TEK: variants seen among roughly 807,000 people sequenced by gnomAD.
TEK encodes angiopoietin-1 receptor.
In TEK, 43 loss-of-function variants were observed where a neutral mutation model predicts 131.8. The observed-to-expected ratio is 0.33, with a 90% CI of 0.26 to 0.42. The LOEUF is 0.42. TEK is among the 10% of genes least tolerant of loss of function. The pLI, the probability that TEK is intolerant of heterozygous loss-of-function variation, is 1.00. For missense variants in TEK, 1,162 were observed against 1,384.4 expected, an observed-to-expected ratio of 0.84 and a Z score of 2.55; for synonymous variants, 580 against 491.6, an observed-to-expected ratio of 1.18 and a Z score of -2.38.
intron 1 of TEK, among the ~76,000 whole-genome samples, chr9:27,140,219 C>T (rs1226694848): frequency 6.0e-5 from 9 of 150,082 alleles, no homozygotes; most frequent in Admixed American, 5.9e-4. Flanking sequence ...ATTTCACTTG[C>T]CCTTTCACTT....
intron 21 of TEK, among the ~76,000 whole-genome samples, chr9:27,223,014 G>A (rs632231): frequency 0.86 from 130,503 of 152,182 alleles, 56,297 homozygotes; most frequent in East Asian, 1. Context: ...AAAGATCAAA[G>A]GAGACAAAGA....
At chr9:27,165,869 C>G (rs766525936) in intron 2 of TEK, among the ~76,000 whole-genome samples, 1 of 152,226 alleles carries the variant, frequency 6.6e-6, no homozygotes, top group Admixed American at 6.5e-5. Context: ...GTGCAAGGCA[C>G]CCATGCTAGG....
At chr9:27,144,833 C>G (rs972950048) in intron 1 of TEK, among the ~76,000 whole-genome samples, 1 of 152,118 alleles carries the variant, frequency 6.6e-6, no homozygotes, top group Non-Finnish European at 1.5e-5. Flanking sequence ...TGCTTCAGAA[C>G]CTAGAGCTCC....
Position 27,180,348 on chromosome 9 carries a change from G to C in TEK, c.1010G>C (p.Gly337Ala), listed in dbSNP as rs1485231950. The change falls in exon 7 of 23, where the codon GGG becomes GCG. Residue 337 changes from glycine (G) to alanine (A), a missense_variant. By Grantham distance (60) the Gly-to-Ala change is moderately conservative. Transcript: ENST00000380036. ...QGCLCSPGWQ[G>A]LQCEREGIQR... ...TGTCTCTGCTCTCCAGGATGGCAGG[G>C]GCTCCAGTGTGAGAGAGAAGGTAAA... is the stretch of plus-strand genomic sequence containing the variant. 1 of 1,613,552 alleles carries C rather than the reference G, an allele frequency of 6.2e-7. No homozygotes were observed. The highest frequency in any genetic ancestry group is 1.7e-5 in the Admixed American group (1 of 59,916).
intron 1 of TEK, among the ~76,000 whole-genome samples, chr9:27,117,664 A>T (rs1821622983): frequency 6.6e-6 from 1 of 152,174 alleles, no homozygotes; most frequent in African/African-American, 2.4e-5. Context: ...TTCATGTCTA[A>T]TGTGGTATGA....
chr9:27,211,993 T>TAAA (rs771506750), intron 16 of TEK, among the ~76,000 whole-genome samples: 97 of 144,082 alleles, frequency 6.7e-4, no homozygotes, highest in East Asian at 1.8e-3. Context: ...AACGTTTTAT[T>TAAA]AAAAAAAAAA....
chr9:27,132,386 A>C (rs1822260558), intron 1 of TEK, among the ~76,000 whole-genome samples: 1 of 152,186 alleles, frequency 6.6e-6, no homozygotes, highest in Admixed American at 6.5e-5. Context: ...ACCAATTAAC[A>C]GGATAAAAAT....
chr9:27,116,676 A>ATAT (rs1419170433), intron 1 of TEK, among the ~76,000 whole-genome samples: 1 of 152,182 alleles, frequency 6.6e-6, no homozygotes, highest in Non-Finnish European at 1.5e-5. Context: ...AATCTTTGGT[A>ATAT]TATGGTAAGT....
chr9:27,143,406 G>A (rs1011518620), intron 1 of TEK, among the ~76,000 whole-genome samples: 22 of 152,186 alleles, frequency 1.4e-4, no homozygotes, highest in African/African-American at 5.3e-4. Flanking sequence ...GTTGAGTGGA[G>A]AAGGGAGGAG....
At chr9:27,167,721 C>T (rs1204850161) in intron 2 of TEK, among the ~76,000 whole-genome samples, 1 of 152,160 alleles carries the variant, frequency 6.6e-6, no homozygotes, top group Admixed American at 6.5e-5. Flanking sequence ...GCATTTTGCT[C>T]ATTTTATTTG....
rs1186841767 is a variant in TEK at position 27,229,404 on chromosome 9, C to G, written c.*172C>G. 9.9e-6 allele frequency: 7 copies of G among 703,568 alleles called. No individual in the cohort carries two copies. The highest frequency in any genetic ancestry group is 4.5e-5 in the South Asian group (3 of 66,834). 43.6% of individuals were successfully genotyped at this position (703,568 alleles called of 1,614,324 possible). ...CATGCATGGATCTATGTAGTATGCT[C>G]TGACTCTAATAGGACTGTATATACT... On this transcript the variant is annotated 3_prime_UTR_variant, in exon 23 of 23. Coordinates refer to ENST00000380036, the MANE Select transcript of TEK (RefSeq NM_000459.5).
intron 6 of TEK, among the ~76,000 whole-genome samples, chr9:27,174,355 T>C (rs1350468760): frequency 2.0e-5 from 3 of 152,154 alleles, no homozygotes; most frequent in African/African-American, 7.2e-5. Flanking sequence ...AGCAGTTCAG[T>C]AGAAATATAA....
chr9:27,153,306 TG>T (rs369261211), intron 1 of TEK, among the ~76,000 whole-genome samples: 259 of 152,160 alleles, frequency 1.7e-3, no homozygotes, highest in African/African-American at 6.1e-3. Context: ...AAAAATTAGC[TG>T]GGCGTGGTCG....
intron 12 of TEK, among the ~76,000 whole-genome samples, chr9:27,201,671 G>A (rs186945079): frequency 6.6e-6 from 1 of 152,240 alleles, no homozygotes; most frequent in Admixed American, 6.5e-5. Flanking sequence ...AGAGTAACAA[G>A]GGGGAGTCAA....
chr9:27,161,938 T>C (rs34081422), intron 2 of TEK, among the ~76,000 whole-genome samples: 7,612 of 152,332 alleles, frequency 0.05, 342 homozygotes, highest in African/African-American at 0.11. Context: ...CTTTGAGTAA[T>C]AGGTGAGATA....
chr9:27,180,109 A>C (rs1035106711), intron 6 of TEK, 131 bp from the exon 7 acceptor site: 19 of 1,319,602 alleles, frequency 1.4e-5, no homozygotes, highest in Middle Eastern at 1.8e-4. Flanking sequence ...TAATTCAGAT[A>C]AATTACCCCC....
intron 1 of TEK, among the ~76,000 whole-genome samples, chr9:27,123,237 C>G (rs566579765): frequency 6.6e-6 from 1 of 151,940 alleles, no homozygotes; most frequent in East Asian, 1.9e-4. Context: ...GGAGATGTCT[C>G]ACATCCTGGT....
intron 1 of TEK, among the ~76,000 whole-genome samples, chr9:27,127,204 C>T (rs1243452374): frequency 1.3e-5 from 2 of 152,118 alleles, no homozygotes; most frequent in South Asian, 2.1e-4. Flanking sequence ...GTTCAGCTCC[C>T]GTTTATGAGT....
chr9:27,171,702 C>A lies in TEK; in HGVS notation c.629-914C>A, dbSNP rs1181985978. On this transcript the variant is annotated intron_variant, in intron 4 of 22. Transcript: ENST00000380036. ...TGACTTCTATTAAATGTCAGAGCAG[C>A]CTTTTTGTAATATGAATCTTAAAAA... Among the ~76,000 whole-genome samples, 5 of 152,098 alleles carry A rather than the reference C, an allele frequency of 3.3e-5. No individual in the cohort carries two copies. The East Asian group carries it at 7.7e-4, about 23-fold the overall frequency.
Sources: allele counts gnomAD v4.1 joint callset (sites outside exome capture counted in the v4.1 genomes callset), GRCh38; gene constraint gnomAD v4.1.1; transcripts MANE v1.5; gene names NCBI Gene and HGNC (gene_info 2026-07-23, HGNC 2026-07-21).